ELL: variants seen among roughly 807,000 people sequenced by gnomAD.
ELL encodes the protein RNA polymerase II elongation factor ELL.
A neutral mutation model predicts 64.0 loss-of-function variants in ELL; 18 were observed. The ratio of observed to expected loss-of-function variants is 0.28; its 90% CI spans 0.19 to 0.42. The LOEUF (loss-of-function observed/expected upper bound fraction) is 0.42. ELL is among the 10% of genes least tolerant of loss of function. The probability of loss-of-function intolerance (pLI) is 1.00; values close to 1 mark genes in which losing one functional copy is unlikely to be tolerated. For synonymous variants in ELL, 399 were observed against 376.2 expected, an observed-to-expected ratio of 1.06 and a Z score of -0.70; for missense variants, 797 against 870.4, an observed-to-expected ratio of 0.92 and a Z score of 1.06.
chr19:18,454,861 C>G (rs1480675482), intron 6 of ELL, among the ~76,000 whole-genome samples: 1 of 97,354 alleles, frequency 1.0e-5, no homozygotes, highest in Admixed American at 1.0e-4. Context: ...AAAAAAAAGG[C>G]ATCCTGGCTG....
chr19:18,446,695 G>C (rs1464550731), intron 9 of ELL, 53 bp downstream of exon 9: 7 of 1,604,534 alleles, frequency 4.4e-6, no homozygotes, highest in Non-Finnish European at 6.0e-6. Flanking sequence ...GGGGGAGGGG[G>C]TCTGAACCCA....
chr19:18,470,528 G>A (rs1975043017), intron 2 of ELL, among the ~76,000 whole-genome samples: 2 of 152,390 alleles, frequency 1.3e-5, no homozygotes, highest in South Asian at 4.1e-4. Flanking sequence ...TAAAAAGGAG[G>A]TGGCCAAAGG....
intron 6 of ELL, 105 bp from the exon 7 acceptor site, chr19:18,451,753 C>G: frequency 1.2e-6 from 1 of 867,124 alleles, no homozygotes; most frequent in Non-Finnish European, 1.7e-6. Context: ...AGGAAGGGAC[C>G]CCCCTCCTCC....
chr19:18,509,088 C>T (rs370602627), intron 1 of ELL, among the ~76,000 whole-genome samples: 1 of 152,016 alleles, frequency 6.6e-6, no homozygotes, highest in Non-Finnish European at 1.5e-5. Context: ...ATGAGGTGGA[C>T]GCAGCCCAGG....
chr19:18,512,652 G>A (rs1976050290), intron 1 of ELL, among the ~76,000 whole-genome samples: 2 of 152,184 alleles, frequency 1.3e-5, no homozygotes, highest in Admixed American at 6.5e-5. Flanking sequence ...CAGAGCTATA[G>A]GAGAAGCTAT....
chr19:18,470,831 T>G (rs1311353305), intron 2 of ELL: 2 of 387,216 alleles, frequency 5.2e-6, no homozygotes, highest in Non-Finnish European at 1.0e-5. Context: ...CAGCTCCTAC[T>G]GGAGGTCTGC....
At chr19:18,514,899 C>T (rs1976098247) in intron 1 of ELL, among the ~76,000 whole-genome samples, 1 of 152,254 alleles carries the variant, frequency 6.6e-6, no homozygotes, top group African/African-American at 2.4e-5. Context: ...TGGGCAGCTG[C>T]TTCGAGCCCA....
rs189009229 is a variant in ELL at position 18,521,816 on chromosome 19, C to G, written c.135+105G>C. ...CCGGCCCAGGGACCCGCGAGCAGCA[C>G]CACAGACCTAGCGTCTCCGAGCCCG... On this transcript the variant is annotated intron_variant, in intron 1 of 11. Coordinates refer to ENST00000262809, the MANE Select transcript of ELL (RefSeq NM_006532.4). 1.9e-4 allele frequency: 276 copies of G among 1,443,952 alleles called. 2 individuals are homozygous for G. The African/African-American group carries it at 3.8e-3, about 20-fold the overall frequency. 89.4% of individuals were successfully genotyped at this position (1,443,952 alleles called of 1,614,324 possible). A position where few individuals can be genotyped will look rare whatever the true frequency, so the allele number is the denominator to read the frequency against.
At chr19:18,500,261 CAA>C (rs545592109) in intron 1 of ELL, among the ~76,000 whole-genome samples, 12 of 66,032 alleles carry the variant, frequency 1.8e-4, no homozygotes, top group Admixed American at 6.9e-4. Flanking sequence ...GACTCCGTCT[CAA>C]AAAAAAAAAA....
chr19:18,465,645 G>T, intron 3 of ELL, 70 bp from the exon 4 acceptor site: 1 of 1,480,382 alleles, frequency 6.8e-7, no homozygotes. Flanking sequence ...GAGGGCCCAA[G>T]CCCCCAGCCC....
chr19:18,462,213 T>TTTGGGCGGGGGGGGGGGGGGGGGGGGGGG, intron 4 of ELL, among the ~76,000 whole-genome samples: 1 of 122,090 alleles, frequency 8.2e-6, no homozygotes, highest in African/African-American at 4.1e-5. Context: ...TGTGTGTGTG[T>TTTGGGCGGGGGGGGGGGGGGGGGGGGGGG]GTGTGTGTAT....
chr19:18,507,979 C>A lies in ELL; in HGVS notation c.135+13942G>T, dbSNP rs576104970. ...AAGGGACACACAAGCCAGCCCTTCC[C>A]ATCCAGGCTGCACATGACTGTGTTT... On this transcript the variant is annotated intron_variant, in intron 1 of 11. Transcript: ENST00000262809. Among the ~76,000 whole-genome samples, 3 of 152,336 alleles carry A rather than the reference C, an allele frequency of 2.0e-5. No individual in the cohort carries two copies. In the South Asian group the frequency reaches 6.2e-4, roughly 32 times the overall value.
chr19:18,518,090 C>T (rs1814184413), intron 1 of ELL, among the ~76,000 whole-genome samples: 1 of 151,992 alleles, frequency 6.6e-6, no homozygotes, highest in African/African-American at 2.4e-5. Flanking sequence ...CATGGTGGTG[C>T]ATGCCTGTAA....
At chr19:18,505,080 A>G (rs1010370337) in intron 1 of ELL, among the ~76,000 whole-genome samples, 1 of 152,212 alleles carries the variant, frequency 6.6e-6, no homozygotes, top group Non-Finnish European at 1.5e-5. Flanking sequence ...CATCATGGCC[A>G]AACCTCAGGC....
At chr19:18,510,869 C>T (rs28650079) in intron 1 of ELL, among the ~76,000 whole-genome samples, 8,640 of 152,196 alleles carry the variant, frequency 0.057, 830 homozygotes, top group African/African-American at 0.2. Flanking sequence ...CACCTCTAAT[C>T]CCAGCACTTT....
intron 1 of ELL, among the ~76,000 whole-genome samples, chr19:18,508,381 C>G (rs924096532): frequency 2.6e-5 from 4 of 152,182 alleles, no homozygotes; most frequent in Non-Finnish European, 5.9e-5. Flanking sequence ...GTAGCCTGTC[C>G]CAGAGTGGAT....
At chr19:18,479,703 C>A in intron 1 of ELL, among the ~76,000 whole-genome samples, 1 of 90,598 alleles carries the variant, frequency 1.1e-5, no homozygotes. Flanking sequence ...AGTGAGACTC[C>A]ATCTCAAAAA....
chr19:18,483,829 C>T (rs1010111247), intron 1 of ELL, among the ~76,000 whole-genome samples: 3 of 152,202 alleles, frequency 2.0e-5, no homozygotes, highest in East Asian at 1.9e-4. Context: ...GGGACAAGCA[C>T]CCTGCCTGCC....
chr19:18,450,893 G>A lies in ELL; in HGVS notation c.1049C>T (p.Pro350Leu). ...RISHFTQRAQ[P>L]AVNGKLGVPN... Reference sequence around the variant, plus strand: ...CACGCCCAGCTTCCCGTTGACGGCAGGCTGAGCTCTCTGAGTGAAGTGCGA... The same window carrying A: ...CACGCCCAGCTTCCCGTTGACGGCAAGCTGAGCTCTCTGAGTGAAGTGCGA... The change falls in exon 8 of 12, where the codon CCT becomes CTT. Residue 350 changes from proline (P) to leucine (L), a missense_variant. Coordinates refer to ENST00000262809, the MANE Select transcript of ELL (RefSeq NM_006532.4). 2 of 1,570,652 alleles carry A rather than the reference G, an allele frequency of 1.3e-6. No individual in the cohort carries two copies. Among genetic ancestry groups the A allele is most frequent in the Non-Finnish European group, 1.7e-6 (2 of 1,158,616 alleles).
Sources: allele counts gnomAD v4.1 joint callset (sites outside exome capture counted in the v4.1 genomes callset), GRCh38; gene constraint gnomAD v4.1.1; transcripts MANE v1.5; gene names NCBI Gene and HGNC (gene_info 2026-07-23, HGNC 2026-07-21).